Variants in PRKAG2 observed in about 807,000 individuals in gnomAD.
The protein encoded by PRKAG2 is 5'-AMP-activated protein kinase subunit gamma-2.
In PRKAG2, 26 loss-of-function variants were observed where a neutral mutation model predicts 69.6. The observed-to-expected ratio is 0.37, with a 90% CI of 0.27 to 0.52. The LOEUF (loss-of-function observed/expected upper bound fraction) is 0.52. Among genes scored for constraint, PRKAG2 ranks in the 20% least tolerant of loss-of-function variants. The pLI is 0.90. For synonymous variants in PRKAG2, 293 were observed against 285.0 expected, an observed-to-expected ratio of 1.03 and a Z score of -0.28; for missense variants, 557 against 740.0, an observed-to-expected ratio of 0.75 and a Z score of 2.87.
chr7:151,624,169 C>CAT (rs373372497), intron 5 of PRKAG2, among the ~76,000 whole-genome samples: 130 of 130,138 alleles, frequency 1.0e-3, no homozygotes, highest in African/African-American at 3.5e-3. Context: ...TGTGTGTGTA[C>CAT]ATATATATAT....
At chr7:151,855,320 C>CCACACACCGCCCTCCACACACACCACCCT (rs1563757267) in intron 1 of PRKAG2, among the ~76,000 whole-genome samples, 134 of 1,132 alleles carry the variant, frequency 0.12, 48 homozygotes, top group African/African-American at 0.28. Context: ...ACACCACCCT[C>CCACACACCGCCCTCCACACACACCACCCT]CCACACACCG....
In PRKAG2 at chr7:151,565,277, T is replaced by C. The variant is rs888585470; in HGVS notation, c.1437+69A>G. On this transcript the variant is annotated intron_variant, in intron 13 of 15. Coordinates refer to ENST00000287878, the MANE Select transcript of PRKAG2 (RefSeq NM_016203.4). ...TAAATTAAGAAACAAGATAAAAACATAAAAACACATTACATGAATGTTTAA... is the reference window on the plus strand; with the variant it reads ...TAAATTAAGAAACAAGATAAAAACACAAAAACACATTACATGAATGTTTAA... 1.7e-5 allele frequency: 20 copies of C among 1,208,242 alleles called. No homozygotes were observed. In the South Asian group the frequency reaches 2.6e-4, roughly 16 times the overall value. 74.8% of individuals were successfully genotyped at this position (1,208,242 alleles called of 1,614,324 possible).
At chr7:151,769,768 G>A (rs375353391) in intron 3 of PRKAG2, among the ~76,000 whole-genome samples, 105 of 152,310 alleles carry the variant, frequency 6.9e-4, no homozygotes, top group African/African-American at 2.4e-3. Flanking sequence ...ACACGAGGTG[G>A]GCAGGTGGCA....
At chr7:151,708,114 G>A (rs2151593711) in intron 3 of PRKAG2, among the ~76,000 whole-genome samples, 1 of 152,346 alleles carries the variant, frequency 6.6e-6, no homozygotes, top group South Asian at 2.1e-4. Context: ...AGATGAAGGG[G>A]CTTGCCCAGC....
chr7:151,866,030 AAAAAAG>A (rs1563766077), intron 1 of PRKAG2, among the ~76,000 whole-genome samples: 1 of 151,830 alleles, frequency 6.6e-6, no homozygotes, highest in African/African-American at 2.4e-5. Flanking sequence ...AAAAAAAAAA[AAAAAAG>A]AAAAAGAAAA....
chr7:151,764,130 GC>G (rs2075599417), intron 3 of PRKAG2, among the ~76,000 whole-genome samples: 1 of 152,232 alleles, frequency 6.6e-6, no homozygotes, highest in Non-Finnish European at 1.5e-5. Flanking sequence ...GGTGAGGTTG[GC>G]CCTGATCTGG....
At chr7:151,871,759 G>A (rs2080224520) in intron 1 of PRKAG2, among the ~76,000 whole-genome samples, 1 of 152,170 alleles carries the variant, frequency 6.6e-6, no homozygotes, top group Non-Finnish European at 1.5e-5. Context: ...GGGCAGTGGG[G>A]ACATTCAAAA....
intron 1 of PRKAG2, among the ~76,000 whole-genome samples, chr7:151,856,465 C>T (rs956950157): frequency 2.0e-5 from 3 of 152,192 alleles, no homozygotes; most frequent in Admixed American, 6.5e-5. Context: ...TAGGGGGAGA[C>T]GAAAAGACGT....
intron 5 of PRKAG2, among the ~76,000 whole-genome samples, chr7:151,611,452 T>C (rs1417929680): frequency 1.3e-5 from 2 of 152,200 alleles, no homozygotes; most frequent in African/African-American, 2.4e-5. Flanking sequence ...TTTGTAACCA[T>C]CAGTCTTCTA....
intron 3 of PRKAG2, among the ~76,000 whole-genome samples, chr7:151,679,308 T>C (rs555332711): frequency 2.6e-4 from 39 of 152,278 alleles, no homozygotes; most frequent in African/African-American, 8.4e-4. Flanking sequence ...TGTGGGGCAC[T>C]GCCTGGGGCC....
intron 1 of PRKAG2, among the ~76,000 whole-genome samples, chr7:151,852,532 A>G (rs1439867727): frequency 6.6e-6 from 1 of 152,066 alleles, no homozygotes; most frequent in Non-Finnish European, 1.5e-5. Context: ...CAGCAGCCTC[A>G]TGTGCCCTCC....
chr7:151,758,051 G>A (rs957257806), intron 3 of PRKAG2, among the ~76,000 whole-genome samples: 2 of 152,200 alleles, frequency 1.3e-5, no homozygotes, highest in Non-Finnish European at 2.9e-5. Flanking sequence ...TTTGCTTTGT[G>A]CTTGTCCCTA....
intron 5 of PRKAG2, among the ~76,000 whole-genome samples, chr7:151,610,731 T>A (rs1222853366): frequency 9.8e-6 from 1 of 101,598 alleles, no homozygotes; most frequent in Non-Finnish European, 2.0e-5. Context: ...ATAAATATTT[T>A]TTCTTTTCTT....
chr7:151,709,550 G>A (rs1768016445), intron 3 of PRKAG2, among the ~76,000 whole-genome samples: 1 of 152,260 alleles, frequency 6.6e-6, no homozygotes, highest in Middle Eastern at 3.4e-3. Context: ...GACATTGAGT[G>A]ACTTTGATAT....
At chr7:151,581,289 T>C (rs1810415717) in intron 6 of PRKAG2, among the ~76,000 whole-genome samples, 1 of 152,238 alleles carries the variant, frequency 6.6e-6, no homozygotes, top group South Asian at 2.1e-4. Flanking sequence ...TTAAATGCTA[T>C]TCTAGGCATT....
intron 3 of PRKAG2, among the ~76,000 whole-genome samples, chr7:151,698,595 C>T (rs888097402): frequency 1.3e-5 from 2 of 152,130 alleles, no homozygotes; most frequent in Non-Finnish European, 2.9e-5. Context: ...CATGTGACAC[C>T]TCAGCTCCCC....
chr7:151,720,529 T>A (rs1334097445), intron 3 of PRKAG2, among the ~76,000 whole-genome samples: 1 of 150,998 alleles, frequency 6.6e-6, no homozygotes, highest in Non-Finnish European at 1.5e-5. Context: ...CACCCTGAAG[T>A]CAAGCACTGA....
At chr7:151,635,866 ATTTTT>A (rs1202730297) in intron 4 of PRKAG2, among the ~76,000 whole-genome samples, 2 of 139,782 alleles carry the variant, frequency 1.4e-5, no homozygotes, top group Non-Finnish European at 3.1e-5. Context: ...ATGACAATAA[ATTTTT>A]TTTTTTTTTT....
At chr7:151,695,960 C>T (rs1029940613) in intron 3 of PRKAG2, among the ~76,000 whole-genome samples, 8 of 152,200 alleles carry the variant, frequency 5.3e-5, no homozygotes, top group African/African-American at 1.7e-4. Flanking sequence ...AGGAAGCAGA[C>T]CCCACCCTGT....
Sources: gnomAD v4.1 joint callset for allele counts (sites outside exome capture counted in the v4.1 genomes callset) on GRCh38, gnomAD v4.1.1 for gene constraint, MANE v1.5 for transcripts, NCBI Gene and HGNC (gene_info 2026-07-23, HGNC 2026-07-21) for gene names.